The following CACNA1E variants were observed in gnomAD, a reference collection of about 807,000 sequenced individuals.
CACNA1E encodes calcium voltage-gated channel subunit alpha1 E.
CACNA1E carries 40 observed loss-of-function variants against 259.2 expected under a neutral mutation model. The observed-to-expected ratio is 0.15, with a 90% confidence interval of 0.12 to 0.20. The LOEUF (loss-of-function observed/expected upper bound fraction) is 0.20. Among genes scored for constraint, CACNA1E ranks in the 10% least tolerant of loss-of-function variants. The pLI is 1.00. For synonymous variants in CACNA1E, 1,104 were observed against 1,138.5 expected (o/e 0.97, Z 0.61); for missense variants, 1,874 against 3,040.1 (o/e 0.62, Z 9.02).
At position 181,715,382 on chromosome 1, in the gene CACNA1E, G is replaced by A. The variant is rs1305652887; in HGVS notation, c.1216G>A (p.Ala406Thr). ...AEENKNAGTSALEVLRRATIK... is the reference protein window; with the variant it reads ...AEENKNAGTSTLEVLRRATIK... ...AGAAAATAAAAATGCTGGAACATCCGCCTTAGAAGGTAAGGAAATGTTCTG... is the reference window on the plus strand; with the variant it reads ...AGAAAATAAAAATGCTGGAACATCCACCTTAGAAGGTAAGGAAATGTTCTG... The change falls in exon 9 of 48, where the codon GCC (alanine) becomes ACC (threonine). Residue 406 changes from alanine (A) to threonine (T), a missense_variant. Transcript: ENST00000367573. The A allele has an allele frequency of 5.7e-6, 9 of 1,589,606 alleles. No homozygotes were observed. The highest frequency in any genetic ancestry group is 7.8e-6 in the Non-Finnish European group (9 of 1,161,044).
intron 11 of CACNA1E, 58 bp downstream of exon 11, chr1:181,717,360 T>C (rs1653994651): frequency 1.4e-6 from 2 of 1,427,060 alleles, no homozygotes; most frequent in Non-Finnish European, 2.0e-6. Context: ...GGCAGCTTGA[T>C]GTGTGTGTGA....
chr1:181,727,498 C>T (rs1030239950), intron 18 of CACNA1E, among the ~76,000 whole-genome samples: 4 of 152,202 alleles, frequency 2.6e-5, no homozygotes, highest in Non-Finnish European at 2.9e-5. Context: ...GAACAGAACC[C>T]AGTTGAAGTG....
Position 181,763,672 on chromosome 1 carries a change from A to G in CACNA1E, c.4815+141A>G, listed in dbSNP as rs112930461. The G allele has an allele frequency of 3.8e-4, 194 of 515,322 alleles. 1 individual carries two copies. The highest frequency in any genetic ancestry group is 3.1e-3 in the African/African-American group (164 of 52,274). 31.9% of individuals were successfully genotyped at this position (515,322 alleles called of 1,614,324 possible). Reference sequence around the variant, plus strand: ...GGGTGTTTGTTAGAAGCATTCAGTAAATACTGCAATTCTTAGTTACAGCAC... The same window carrying G: ...GGGTGTTTGTTAGAAGCATTCAGTAGATACTGCAATTCTTAGTTACAGCAC... On this transcript the variant is annotated intron_variant, in intron 34 of 47. Transcript: ENST00000367573.
chr1:181,487,477 A>C (rs755836779), intron 1 of CACNA1E, among the ~76,000 whole-genome samples: 1 of 152,200 alleles, frequency 6.6e-6, no homozygotes, highest in Non-Finnish European at 1.5e-5. Flanking sequence ...TTTTCTTGGA[A>C]GCTACATCTG....
Position 181,731,219 on chromosome 1 carries a change from G to A in CACNA1E, c.2285G>A (p.Arg762His). Residue 762 changes from arginine (R) to histidine (H), a missense_variant, in exon 19 of 48, where the codon CGC becomes CAC. This residue lies in a region of CACNA1E where 476 missense variants were observed against 514.0 expected (regional missense o/e 0.93). Transcript: ENST00000367573. The stretch of plus-strand genomic sequence containing the variant: ...CACCACATGTCGATGTGGGAGCCAC[G>A]CAGCAGCCACCTGTATGTGTGTACC... ...RRHHMSMWEP[R>H]SSHLRERRRR... 6.8e-6 allele frequency: 11 copies of A among 1,613,506 alleles called. No homozygotes were observed. The highest frequency in any genetic ancestry group is 7.6e-6 in the Non-Finnish European group (9 of 1,179,456).
intron 1 of CACNA1E, among the ~76,000 whole-genome samples, chr1:181,392,181 C>G (rs1017090579): frequency 3.3e-5 from 5 of 152,082 alleles, no homozygotes; most frequent in Non-Finnish European, 5.9e-5. Flanking sequence ...GGCATTAAAG[C>G]CTTTTAGGTT....
At chr1:181,565,247 G>A (rs1449662830) in intron 3 of CACNA1E, among the ~76,000 whole-genome samples, 1 of 152,190 alleles carries the variant, frequency 6.6e-6, no homozygotes, top group Non-Finnish European at 1.5e-5. Flanking sequence ...ACTTGGACTA[G>A]TTTGAGCAAG....
At chr1:181,759,138 G>A (rs967503898) in intron 32 of CACNA1E, among the ~76,000 whole-genome samples, 1 of 152,202 alleles carries the variant, frequency 6.6e-6, no homozygotes, top group Non-Finnish European at 1.5e-5. Flanking sequence ...CACTAGAACT[G>A]CAATTTATGT....
intron 6 of CACNA1E, among the ~76,000 whole-genome samples, chr1:181,612,257 T>G (rs1654815861): frequency 6.6e-6 from 1 of 152,184 alleles, no homozygotes; most frequent in Non-Finnish European, 1.5e-5. Context: ...GGCTGAACCA[T>G]GCTACTGCAG....
At chr1:181,536,801 T>C (rs1358307005) in intron 3 of CACNA1E, among the ~76,000 whole-genome samples, 1 of 152,106 alleles carries the variant, frequency 6.6e-6, no homozygotes, top group Admixed American at 6.6e-5. Flanking sequence ...TGGAAAGGCA[T>C]GAGAGCACTT....
intron 2 of CACNA1E, among the ~76,000 whole-genome samples, chr1:181,421,366 G>T (rs970845014): frequency 1.3e-5 from 2 of 152,108 alleles, no homozygotes; most frequent in Non-Finnish European, 2.9e-5. Context: ...TCTGGTGGGG[G>T]GTCCTCAAAA....
rs189123056 is a variant in CACNA1E at position 181,461,779 on chromosome 1, T to G, written c.435-21965T>G. On this transcript the variant is annotated intron_variant, in intron 2 of 11. Transcript: ENST00000524607. ...CTCAGGCCCATCTTAGATTTTTTTT[T>G]TTTTGGGAAATTACAAAAGTATTTT... Among the ~76,000 whole-genome samples the G allele has an allele frequency of 4.8e-3, 738 of 152,212 alleles. 2 individuals are homozygous for G. The highest frequency in any genetic ancestry group is 0.015 in the African/African-American group (616 of 41,540).
At chr1:181,410,657 G>A (rs1299749532) in intron 1 of CACNA1E, among the ~76,000 whole-genome samples, 1 of 152,156 alleles carries the variant, frequency 6.6e-6, no homozygotes, top group African/African-American at 2.4e-5. Flanking sequence ...TATGGATTCT[G>A]CTTCATGTGG....
intron 6 of CACNA1E, among the ~76,000 whole-genome samples, chr1:181,626,005 A>G (rs1364121792): frequency 6.6e-6 from 1 of 152,184 alleles, no homozygotes. Flanking sequence ...AAAGAGGGAC[A>G]GAAATGGGGG....
intron 2 of CACNA1E, among the ~76,000 whole-genome samples, chr1:181,426,270 C>G (rs755705297): frequency 1.3e-5 from 2 of 151,910 alleles, no homozygotes; most frequent in Admixed American, 6.6e-5. Flanking sequence ...CAAGTCCTCC[C>G]CATTTCAGCC....
At chr1:181,698,803 G>A (rs1651958462) in intron 7 of CACNA1E, among the ~76,000 whole-genome samples, 1 of 152,058 alleles carries the variant, frequency 6.6e-6, no homozygotes, top group Non-Finnish European at 1.5e-5. Context: ...AAGAACTTAG[G>A]TTAACTGTAA....
intron 2 of CACNA1E, among the ~76,000 whole-genome samples, chr1:181,461,048 C>A (rs1442022484): frequency 6.6e-6 from 1 of 152,148 alleles, no homozygotes; most frequent in East Asian, 1.9e-4. Context: ...TGGGTGCAAC[C>A]TTAGCCCTCA....
chr1:181,794,602 G>A (rs1412474698), intron 45 of CACNA1E, among the ~76,000 whole-genome samples: 1 of 152,236 alleles, frequency 6.6e-6, no homozygotes, highest in African/African-American at 2.4e-5. Flanking sequence ...CCTGCATTCC[G>A]CATGGCTTTG....
At chr1:181,389,689 A>T (rs9425502) in intron 1 of CACNA1E, among the ~76,000 whole-genome samples, 1 of 151,786 alleles carries the variant, frequency 6.6e-6, no homozygotes, top group South Asian at 2.1e-4. Flanking sequence ...CCTCAGATGG[A>T]CTCTCAGCTC....
Sources: allele counts gnomAD v4.1 joint callset (sites outside exome capture counted in the v4.1 genomes callset), GRCh38; gene constraint gnomAD v4.1.1; regional missense constraint gnomAD v4.1.1; transcripts MANE v1.5; gene names NCBI Gene and HGNC (gene_info 2026-07-23, HGNC 2026-07-21).